BAZ2B: variants seen among roughly 807,000 people sequenced by gnomAD.
BAZ2B encodes the protein bromodomain adjacent to zinc finger domain 2B.
Under a neutral mutation model 246.0 loss-of-function variants are expected in BAZ2B, and 91 were observed. The observed-to-expected ratio is 0.37, with a 90% CI of 0.31 to 0.44. The LOEUF is 0.44. Ranked by LOEUF, BAZ2B falls within the 20% of genes least tolerant of loss-of-function variation. The pLI is 1.00. For missense variants in BAZ2B, 2,332 were observed against 2,533.7 expected, an observed-to-expected ratio of 0.92 and a Z score of 1.71; for synonymous variants, 855 against 860.0, an observed-to-expected ratio of 0.99 and a Z score of 0.10.
the BAZ2B span, among the ~76,000 whole-genome samples, chr2:159,623,677 C>A: frequency 6.6e-6 from 1 of 152,100 alleles, no homozygotes; most frequent in African/African-American, 2.4e-5. Flanking sequence ...GAGAATTTGG[C>A]AGTATGTAAC....
intron 16 of BAZ2B, chr2:159,404,256 A>G (rs1250320447): frequency 6.6e-6 from 1 of 152,150 alleles, no homozygotes; most frequent in Admixed American, 6.5e-5. Context: ...ATTTTTACCT[A>G]TGAAAATTTA....
intron 31 of BAZ2B, among the ~76,000 whole-genome samples, chr2:159,343,297 C>T (rs972645533): frequency 6.6e-6 from 1 of 152,056 alleles, no homozygotes; most frequent in African/African-American, 2.4e-5. Context: ...TGTAAGACCC[C>T]AAATGATAAA....
the BAZ2B span, among the ~76,000 whole-genome samples, chr2:159,708,589 A>C: frequency 4.8e-5 from 6 of 123,954 alleles, no homozygotes; most frequent in East Asian, 2.2e-4. Flanking sequence ...TTCTTTATTT[A>C]TTTATTTTGA....
intron 2 of BAZ2B, among the ~76,000 whole-genome samples, chr2:159,517,502 T>C (rs1036558224): frequency 6.6e-6 from 1 of 152,130 alleles, no homozygotes; most frequent in African/African-American, 2.4e-5. Flanking sequence ...TTTAAAATTC[T>C]ATATTTACTA....
At chr2:159,467,464 AG>A (rs1057351872) in intron 3 of BAZ2B, among the ~76,000 whole-genome samples, 32 of 152,104 alleles carry the variant, frequency 2.1e-4, no homozygotes, top group African/African-American at 7.5e-4. Flanking sequence ...GGCCAGTGCA[AG>A]GGGAGGTATT....
chr2:159,678,754 C>G, the BAZ2B span, among the ~76,000 whole-genome samples: 1 of 152,186 alleles, frequency 6.6e-6, no homozygotes, highest in Non-Finnish European at 1.5e-5. Context: ...ATTTATGTCA[C>G]TACCACCACA....
intron 21 of BAZ2B, 77 bp downstream of exon 21, chr2:159,389,268 T>C (rs1283935589): frequency 7.3e-6 from 10 of 1,373,874 alleles, no homozygotes; most frequent in Non-Finnish European, 8.7e-6. Flanking sequence ...CAATAGCAGC[T>C]CTGGCAAAGA....
intron 2 of BAZ2B, among the ~76,000 whole-genome samples, chr2:159,495,475 A>G (rs1282938845): frequency 8.9e-4 from 98 of 109,936 alleles, no homozygotes; most frequent in African/African-American, 3.0e-3. Context: ...ACAGAGCGAG[A>G]CTCCGTCTCA....
chr2:159,453,713 A>G lies in BAZ2B; in HGVS notation c.234T>C (p.Gly78=). The part of the protein sequence containing the change: ...AFPMVSHPVF[G]LHSASSGHSE... ...AATGCCCTGAGCTGGCTGAATGTAG[A>G]CCAAAGACTGGGTGGCTGACCATTG... is the stretch of plus-strand genomic sequence containing the variant. Residue 78 remains glycine, a synonymous_variant, in exon 4 of 37, where the codon GGT becomes GGC. Coordinates refer to ENST00000392783, the MANE Select transcript of BAZ2B (RefSeq NM_013450.4). 6.2e-7 allele frequency: 1 copy of G among 1,613,792 alleles called. No individual in the cohort carries two copies. Among genetic ancestry groups the G allele is most frequent in the Non-Finnish European group, 8.5e-7 (1 of 1,179,868 alleles).
At chr2:159,554,783 A>G (rs2088842709) in intron 2 of BAZ2B, among the ~76,000 whole-genome samples, 1 of 152,160 alleles carries the variant, frequency 6.6e-6, no homozygotes, top group Admixed American at 6.5e-5. Flanking sequence ...AAAATGATAT[A>G]AAGTTCATGA....
At chr2:159,577,605 G>A (rs1002564201) in intron 1 of BAZ2B, among the ~76,000 whole-genome samples, 1 of 152,118 alleles carries the variant, frequency 6.6e-6, no homozygotes, top group East Asian at 1.9e-4. Flanking sequence ...CAGTTAGGGA[G>A]GAAAAATACT....
At chr2:159,668,993 T>G in the BAZ2B span, among the ~76,000 whole-genome samples, 1 of 151,738 alleles carries the variant, frequency 6.6e-6, no homozygotes, top group Non-Finnish European at 1.5e-5. Flanking sequence ...GAGGCAGAGG[T>G]TGCAGTGAGC....
chr2:159,700,321 T>C, the BAZ2B span, among the ~76,000 whole-genome samples: 4 of 152,254 alleles, frequency 2.6e-5, no homozygotes, highest in Non-Finnish European at 5.9e-5. Context: ...ATGATCTACA[T>C]AATCCTCCTG....
At chr2:159,508,612 A>G (rs532799266) in intron 2 of BAZ2B, among the ~76,000 whole-genome samples, 10 of 32,116 alleles carry the variant, frequency 3.1e-4, no homozygotes, top group African/African-American at 6.6e-4. Flanking sequence ...TGCCAAAAAT[A>G]AAAAAAAAAA....
At chr2:159,367,676 G>T (rs1321531606) in intron 27 of BAZ2B, among the ~76,000 whole-genome samples, 1 of 152,010 alleles carries the variant, frequency 6.6e-6, no homozygotes, top group Non-Finnish European at 1.5e-5. Flanking sequence ...ATGAGGTCAG[G>T]AGATCGAGAC....
intron 2 of BAZ2B, among the ~76,000 whole-genome samples, chr2:159,551,466 CA>C (rs57418948): frequency 0.017 from 1,205 of 71,682 alleles, 7 homozygotes; most frequent in African/African-American, 0.042. Context: ...GACTCAGACT[CA>C]AAAAAAAAAA....
intron 1 of BAZ2B, among the ~76,000 whole-genome samples, chr2:159,610,075 A>G (rs560320767): frequency 2.6e-5 from 4 of 152,338 alleles, no homozygotes; most frequent in Non-Finnish European, 1.5e-5. Flanking sequence ...CACTAGGTCC[A>G]TTATCACAGC....
chr2:159,691,959 A>G, the BAZ2B span, among the ~76,000 whole-genome samples: 1 of 152,218 alleles, frequency 6.6e-6, no homozygotes, highest in Non-Finnish European at 1.5e-5. Context: ...TGCAGTTATT[A>G]ATACTGCATC....
intron 1 of BAZ2B, among the ~76,000 whole-genome samples, chr2:159,584,270 T>C (rs6725632): frequency 0.92 from 140,434 of 152,110 alleles, 65,328 homozygotes; most frequent in East Asian, 1. Context: ...TACAAGCATG[T>C]GCCACCACAC....
Sources: allele counts gnomAD v4.1 joint callset (sites outside exome capture counted in the v4.1 genomes callset), GRCh38; gene constraint gnomAD v4.1.1; transcripts MANE v1.5; gene names NCBI Gene and HGNC (gene_info 2026-07-23, HGNC 2026-07-21).